The following ZNF586 variants were observed in gnomAD, a reference collection of about 807,000 sequenced individuals.
ZNF586 encodes the protein zinc finger protein 586.
A neutral mutation model predicts 6.7 loss-of-function variants in ZNF586; 7 were observed. That is an observed-to-expected ratio of 1.04 (90% CI 0.59 to 1.95). The LOEUF (loss-of-function observed/expected upper bound fraction) is 1.95. ZNF586 is among the 30% of genes most tolerant of loss of function. The probability of loss-of-function intolerance (pLI) is 0.00; values close to 1 mark genes in which losing one functional copy is unlikely to be tolerated. For missense variants in ZNF586, 442 were observed against 489.6 expected (o/e 0.90, Z 0.92); for synonymous variants, 166 against 168.7 (o/e 0.98, Z 0.12).
At chr19:57,778,073 CTTT>C (rs35697388) in intron 2 of ZNF586, among the ~76,000 whole-genome samples, 1 of 131,492 alleles carries the variant, frequency 7.6e-6, no homozygotes, top group African/African-American at 2.8e-5. Flanking sequence ...AGTATATAAT[CTTT>C]TTTTTTTTTT....
chr19:57,776,839 G>T (rs1278019684), intron 2 of ZNF586, among the ~76,000 whole-genome samples, 170 bp downstream of exon 2: 1 of 152,106 alleles, frequency 6.6e-6, no homozygotes, highest in Non-Finnish European at 1.5e-5. Flanking sequence ...CTTTCCTTGA[G>T]CAGCCCCAAC....
chr19:57,778,634 C>A, intron 2 of ZNF586, 117 bp from the exon 3 acceptor site: 1 of 939,384 alleles, frequency 1.1e-6, no homozygotes, highest in Non-Finnish European at 1.6e-6. Flanking sequence ...GAACCCAACT[C>A]CCTGTTTGTG....
At chr19:57,778,676 G>A in intron 2 of ZNF586, 75 bp from the exon 3 acceptor site, 1 of 1,427,938 alleles carries the variant, frequency 7.0e-7, no homozygotes, top group South Asian at 1.4e-5. Context: ...TTTTTGGTTT[G>A]TCAGATACTC....
Position 57,778,314 on chromosome 19 carries a change from A to G in ZNF586, c.164-437A>G, listed in dbSNP as rs137957283. On this transcript the variant is annotated intron_variant, in intron 2 of 2. Coordinates refer to ENST00000396154, the MANE Select transcript of ZNF586 (RefSeq NM_017652.4). ...CTGGTCTCAAACCCCTGACCTTGTG[A>G]TCCACCCACCTCGGCCTCGCAAAGT... Among the ~76,000 whole-genome samples, 1,097 of 151,932 alleles carry G rather than the reference A, an allele frequency of 7.2e-3. 13 individuals carry two copies. The highest frequency in any genetic ancestry group is 0.025 in the African/African-American group (1,031 of 41,440).
At chr19:57,774,248 C>T (rs929039162) in intron 1 of ZNF586, among the ~76,000 whole-genome samples, 11 of 140,774 alleles carry the variant, frequency 7.8e-5, no homozygotes, top group South Asian at 4.5e-4. Flanking sequence ...GTCAGCCGGG[C>T]GCGGTGGCTC....
chr19:57,772,831 C>A, intron 1 of ZNF586, among the ~76,000 whole-genome samples: 1 of 152,088 alleles, frequency 6.6e-6, no homozygotes. Context: ...TTGGTCAATG[C>A]TGATCAGCTT....
intron 1 of ZNF586, among the ~76,000 whole-genome samples, 178 bp downstream of exon 1, chr19:57,770,056 T>C (rs561311530): frequency 1.7e-4 from 26 of 151,732 alleles, no homozygotes; most frequent in Non-Finnish European, 3.5e-4. Flanking sequence ...AGAGCGAGAC[T>C]GGCGGAGGGC....
chr19:57,776,570 G>T lies in ZNF586; in HGVS notation c.64G>T (p.Val22Leu). The T allele has an allele frequency of 6.2e-7, 1 of 1,613,488 alleles. No homozygotes were observed. Among genetic ancestry groups the T allele is most frequent in the South Asian group, 1.1e-5 (1 of 91,020 alleles). ...CAGTGTGACCTTTGAAGATGTGGCTGTAAACTTTTCCCTGGAGGAATGGAG... is the reference window on the plus strand; with the variant it reads ...CAGTGTGACCTTTGAAGATGTGGCTTTAAACTTTTCCCTGGAGGAATGGAG... ...QSSVTFEDVA[V>L]NFSLEEWSLL... Residue 22 changes from valine (V) to leucine (L), a missense_variant, in exon 2 of 3, where the codon GTA (valine) becomes TTA (leucine). Val to Leu is a conservative substitution (Grantham distance 32). Coordinates refer to ENST00000396154, the MANE Select transcript of ZNF586 (RefSeq NM_017652.4).
At position 57,778,871 on chromosome 19, in the gene ZNF586, A is replaced by G. The variant is rs751162854; in HGVS notation, c.284A>G (p.Lys95Arg). 2 of 1,614,002 alleles carry G rather than the reference A, an allele frequency of 1.2e-6. No individual in the cohort carries two copies. The highest frequency in any genetic ancestry group is 1.7e-6 in the Non-Finnish European group (2 of 1,180,032). Reference sequence around the variant, plus strand: ...CCTTATGAGTGTGGGGAATATAGGAAATTATTTAAGAACAAGTCCTGCCTC... The same window carrying G: ...CCTTATGAGTGTGGGGAATATAGGAGATTATTTAAGAACAAGTCCTGCCTC... ...ERPYECGEYR[K>R]LFKNKSCLTE... The change falls in exon 3 of 3, where the codon AAA (lysine) becomes AGA (arginine). Residue 95 changes from lysine (K) to arginine (R), a missense_variant. Physicochemically the swap from Lys to Arg is conservative, Grantham distance 26. Transcript: ENST00000396154.
At chr19:57,775,023 G>A (rs569926710) in intron 1 of ZNF586, among the ~76,000 whole-genome samples, 6 of 149,414 alleles carry the variant, frequency 4.0e-5, no homozygotes, top group South Asian at 2.1e-4. Flanking sequence ...TTTTTGAGAC[G>A]GAGTCTCGCT....
At chr19:57,771,531 T>C (rs978652991) in intron 1 of ZNF586, among the ~76,000 whole-genome samples, 1 of 152,152 alleles carries the variant, frequency 6.6e-6, no homozygotes, top group African/African-American at 2.4e-5. Flanking sequence ...ACATAGGTTA[T>C]GGGGAGTTGT....
chr19:57,770,533 C>T (rs759326658), intron 1 of ZNF586, among the ~76,000 whole-genome samples: 2 of 152,124 alleles, frequency 1.3e-5, no homozygotes, highest in Non-Finnish European at 2.9e-5. Context: ...GTTAGAGTTG[C>T]GATTCCCAAA....
At position 57,779,735 on chromosome 19, in the gene ZNF586, G is replaced by T; in HGVS notation, c.1148G>T (p.Arg383Leu). 6.2e-7 allele frequency: 1 copy of T among 1,613,112 alleles called. No individual in the cohort carries two copies. The highest frequency in any genetic ancestry group is 8.5e-7 in the Non-Finnish European group (1 of 1,179,234). Reference sequence around the variant, plus strand: ...TGCATTGATTGTGGAAAATCATTTCGCCACAGTTCTTCGTTCCGTCGCCAT... The same window carrying T: ...TGCATTGATTGTGGAAAATCATTTCTCCACAGTTCTTCGTTCCGTCGCCAT... ...YECIDCGKSF[R>L]HSSSFRRHQR... Residue 383 changes from arginine (R) to leucine (L), a missense_variant, in exon 3 of 3, where the codon CGC becomes CTC. Arg to Leu is a moderately radical substitution (Grantham distance 102). Coordinates refer to ENST00000396154, the MANE Select transcript of ZNF586 (RefSeq NM_017652.4).
intron 2 of ZNF586, among the ~76,000 whole-genome samples, chr19:57,778,122 A>C (rs1236022338): frequency 1.4e-5 from 2 of 143,176 alleles, no homozygotes; most frequent in African/African-American, 5.3e-5. Flanking sequence ...CCCACGCTGG[A>C]GTGCAGTGGC....
At chr19:57,778,381 A>T (rs1987291708) in intron 2 of ZNF586, among the ~76,000 whole-genome samples, 1 of 152,112 alleles carries the variant, frequency 6.6e-6, no homozygotes, top group African/African-American at 2.4e-5. Flanking sequence ...GGCCACGTAT[A>T]TACCTATTCT....
chr19:57,772,820 A>G (rs893514074), intron 1 of ZNF586, among the ~76,000 whole-genome samples: 2 of 152,090 alleles, frequency 1.3e-5, no homozygotes, highest in Non-Finnish European at 2.9e-5. Context: ...TAATTAAATC[A>G]TTGGTCAATG....
At chr19:57,769,926 C>T in intron 1 of ZNF586, 48 bp downstream of exon 1, 1 of 1,443,230 alleles carries the variant, frequency 6.9e-7, no homozygotes, top group East Asian at 2.8e-5. Flanking sequence ...CACCCAGACC[C>T]TGAGGCCCCT....
Position 57,779,190 on chromosome 19 carries a change from T to C in ZNF586, c.603T>C (p.Ser201=), listed in dbSNP as rs1284253055. The stretch of plus-strand genomic sequence containing the variant: ...TCATTAACCACAGGAAAGTTCACTC[T>C]GGAGCAAAGCGTTATGAATGCAATG... ...SSLINHRKVH[S]GAKRYECNEC... Residue 201 remains serine (S), a synonymous_variant, in exon 3 of 3, where the codon TCT becomes TCC. Transcript: ENST00000396154. The C allele has an allele frequency of 1.9e-6, 3 of 1,614,042 alleles. No homozygotes were observed. The highest frequency in any genetic ancestry group is 2.5e-6 in the Non-Finnish European group (3 of 1,180,010).
rs548136012 is a variant in ZNF586 at position 57,779,752 on chromosome 19, C to G, written c.1165C>G (p.Arg389Gly). 3.7e-6 allele frequency: 6 copies of G among 1,610,088 alleles called. No individual in the cohort carries two copies. The highest frequency in any genetic ancestry group is 5.1e-6 in the Non-Finnish European group (6 of 1,177,550). The change falls in exon 3 of 3, where the codon CGT becomes GGT. Residue 389 changes from arginine (R) to glycine (G), a missense_variant. Coordinates refer to ENST00000396154, the MANE Select transcript of ZNF586 (RefSeq NM_017652.4). ...GKSFRHSSSF[R>G]RHQRVHTGMR... is the part of the protein sequence containing the mutation. ...ATCATTTCGCCACAGTTCTTCGTTC[C>G]GTCGCCATCAGAGAGTTCATACTGG...
Sources: gnomAD v4.1 joint callset for allele counts (sites outside exome capture counted in the v4.1 genomes callset) on GRCh38, gnomAD v4.1.1 for gene constraint, MANE v1.5 for transcripts, NCBI Gene and HGNC (gene_info 2026-07-23, HGNC 2026-07-21) for gene names.